POU6F2: variants seen among roughly 807,000 people sequenced by gnomAD.
POU6F2 encodes the protein POU class 6 homeobox 2.
In POU6F2, 31 loss-of-function variants were observed where a neutral mutation model predicts 71.3. The observed-to-expected ratio is 0.43, with a 90% CI of 0.33 to 0.59. The LOEUF (loss-of-function observed/expected upper bound fraction) is 0.59. Ranked by LOEUF, POU6F2 falls within the 20% of genes least tolerant of loss-of-function variation. POU6F2 has a pLI of 0.04. For missense variants in POU6F2, 783 were observed against 856.8 expected (o/e 0.91, Z 1.07); for synonymous variants, 347 against 355.7 (o/e 0.98, Z 0.27).
Position 39,358,744 on chromosome 7 carries a change from T to C in POU6F2, c.972+18729T>C, listed in dbSNP as rs528191325. ...GATTGTTCATTAATATCAGTTAATA[T>C]TTCCTCAGTGATTCTCTTGAAGAGT... On this transcript the variant is annotated intron_variant, in intron 5 of 9. Coordinates refer to ENST00000518318, the MANE Select transcript of POU6F2 (RefSeq NM_001370959.1). 1.1e-4 allele frequency among the ~76,000 whole-genome samples: 16 copies of C among 152,280 alleles called. 1 individual carries two copies. The East Asian group carries it at 3.1e-3, about 29-fold the overall frequency.
At chr7:39,283,443 G>A (rs1784599704) in intron 4 of POU6F2, among the ~76,000 whole-genome samples, 1 of 152,012 alleles carries the variant, frequency 6.6e-6, no homozygotes. Context: ...CCACTCCCAA[G>A]CCCTTGACAA....
intron 1 of POU6F2, among the ~76,000 whole-genome samples, chr7:39,035,145 T>G (rs1017043356): frequency 2.6e-5 from 4 of 151,908 alleles, no homozygotes; most frequent in African/African-American, 9.7e-5. Context: ...AAGTTTGCTC[T>G]GGTTGGAAAG....
At position 39,207,618 on chromosome 7, in the gene POU6F2, A is replaced by G; in HGVS notation, c.596A>G (p.Gln199Arg). ...ATGACTCTGCCACTGCAAAATCTAC[A>G]AGGTAATCCATAATGTCCATGCGCC... ...GIMTLPLQNLQATSSLNSQLQ... is the reference protein window; with the variant it reads ...GIMTLPLQNLRATSSLNSQLQ... The change falls in exon 4 of 10, where the codon CAA becomes CGA. Residue 199 changes from glutamine to arginine, a missense_variant and splice_region_variant. Physicochemically the swap from Gln to Arg is conservative, Grantham distance 43. Around this residue, in one of 2 missense-constraint regions of POU6F2, gnomAD observed 572 missense variants for 572.9 expected, o/e 1.00. Transcript: ENST00000518318. The G allele has an allele frequency of 6.2e-7, 1 of 1,613,052 alleles. No homozygotes were observed. The highest frequency in any genetic ancestry group is 1.1e-5 in the South Asian group (1 of 91,008).
intron 2 of POU6F2, among the ~76,000 whole-genome samples, chr7:39,198,164 A>G (rs1031597215): frequency 2.0e-5 from 3 of 152,238 alleles, no homozygotes; most frequent in African/African-American, 7.2e-5. Flanking sequence ...TAGATGTGAA[A>G]ACAAATGATA....
At chr7:39,031,150 C>T (rs559278135) in intron 1 of POU6F2, among the ~76,000 whole-genome samples, 14 of 152,262 alleles carry the variant, frequency 9.2e-5, no homozygotes, top group Non-Finnish European at 1.6e-4. Context: ...CCGCCCTCCT[C>T]GGCCTCCCAA....
intron 7 of POU6F2, among the ~76,000 whole-genome samples, chr7:39,445,079 G>A (rs1396165742): frequency 6.6e-6 from 1 of 152,146 alleles, no homozygotes; most frequent in Non-Finnish European, 1.5e-5. Flanking sequence ...ACCAATGAGA[G>A]ACAGCTTATT....
chr7:39,280,099 G>T (rs1475715246), intron 4 of POU6F2, among the ~76,000 whole-genome samples: 1 of 151,922 alleles, frequency 6.6e-6, no homozygotes, highest in Non-Finnish European at 1.5e-5. Flanking sequence ...ACCCCCTCAT[G>T]ACCTTATTTT....
intron 5 of POU6F2, among the ~76,000 whole-genome samples, chr7:39,372,048 T>G (rs117196458): frequency 4.8e-4 from 73 of 152,260 alleles, no homozygotes; most frequent in Non-Finnish European, 9.4e-4. Flanking sequence ...CCCTCCCAAG[T>G]AGCTAGGACT....
chr7:39,252,038 A>G (rs924095276), intron 4 of POU6F2, among the ~76,000 whole-genome samples: 7 of 152,024 alleles, frequency 4.6e-5, no homozygotes, highest in African/African-American at 1.4e-4. Flanking sequence ...TGTCCGCCCA[A>G]TTTCTATCTG....
At chr7:39,193,805 C>G (rs1051282821) in intron 2 of POU6F2, among the ~76,000 whole-genome samples, 2 of 152,226 alleles carry the variant, frequency 1.3e-5, no homozygotes, top group Admixed American at 6.5e-5. Flanking sequence ...ACACTCATCT[C>G]TCTGCTGCTT....
At chr7:39,193,810 C>T (rs1793720524) in intron 2 of POU6F2, among the ~76,000 whole-genome samples, 2 of 152,218 alleles carry the variant, frequency 1.3e-5, no homozygotes, top group Non-Finnish European at 2.9e-5. Flanking sequence ...CATCTCTCTG[C>T]TGCTTCCTCA....
intron 2 of POU6F2, among the ~76,000 whole-genome samples, chr7:39,088,180 A>G (rs73373263): frequency 0.018 from 2,741 of 152,270 alleles, 74 homozygotes; most frequent in African/African-American, 0.063. Context: ...AATTAGATCA[A>G]GAAGAAAGCA....
intron 1 of POU6F2, among the ~76,000 whole-genome samples, chr7:39,012,799 G>T (rs1290261182): frequency 2.0e-5 from 3 of 150,840 alleles, no homozygotes; most frequent in South Asian, 4.2e-4. Context: ...AGGTGTCAGT[G>T]TGCCCCTGCT....
chr7:39,157,997 G>T (rs977890960), intron 2 of POU6F2, among the ~76,000 whole-genome samples: 7 of 152,308 alleles, frequency 4.6e-5, no homozygotes, highest in Middle Eastern at 3.4e-3. Context: ...AGGAAGGCAT[G>T]CTACAGGCTG....
At chr7:39,109,720 G>A (rs1173308780) in intron 2 of POU6F2, among the ~76,000 whole-genome samples, 2 of 152,226 alleles carry the variant, frequency 1.3e-5, no homozygotes, top group Non-Finnish European at 1.5e-5. Context: ...AGTGGAAAAT[G>A]TAAATCGTAT....
intron 2 of POU6F2, among the ~76,000 whole-genome samples, chr7:39,123,198 T>A (rs2893571): frequency 6.6e-6 from 1 of 152,220 alleles, no homozygotes; most frequent in Non-Finnish European, 1.5e-5. Flanking sequence ...TTTATGCAAA[T>A]GAATTTTCGA....
intron 7 of POU6F2, among the ~76,000 whole-genome samples, chr7:39,434,534 ATGATGATGATGG>A (rs1463978656): frequency 6.6e-6 from 1 of 152,048 alleles, no homozygotes; most frequent in Non-Finnish European, 1.5e-5. Context: ...GATAGTGATG[ATGATGATGATGG>A]TGATGATGAT....
At chr7:39,326,613 C>T (rs1233540610) in intron 4 of POU6F2, among the ~76,000 whole-genome samples, 4 of 152,194 alleles carry the variant, frequency 2.6e-5, no homozygotes, top group Non-Finnish European at 4.4e-5. Flanking sequence ...TTTGCTATTG[C>T]ATTAACACCT....
chr7:39,130,626 C>T (rs1030924581), intron 2 of POU6F2, among the ~76,000 whole-genome samples: 4 of 152,020 alleles, frequency 2.6e-5, no homozygotes, highest in Admixed American at 2.0e-4. Flanking sequence ...ATGTGGAAAA[C>T]TCACTGAATC....
Sources: gnomAD v4.1 joint callset for allele counts (sites outside exome capture counted in the v4.1 genomes callset) on GRCh38, gnomAD v4.1.1 for gene constraint, gnomAD v4.1.1 regional missense constraint, MANE v1.5 for transcripts, NCBI Gene and HGNC (gene_info 2026-07-23, HGNC 2026-07-21) for gene names.